RABEP1: variants seen among roughly 807,000 people sequenced by gnomAD.
RABEP1 encodes rab GTPase-binding effector protein 1.
A neutral mutation model predicts 123.4 loss-of-function variants in RABEP1; 51 were observed. The ratio of observed to expected loss-of-function variants is 0.41; its 90% confidence interval spans 0.33 to 0.52. The LOEUF is 0.52. Ranked by LOEUF, RABEP1 falls within the 20% of genes least tolerant of loss-of-function variation. The pLI, the probability that RABEP1 is intolerant of heterozygous loss-of-function variation, is 0.16. For missense variants in RABEP1, 888 were observed against 996.3 expected, an observed-to-expected ratio of 0.89 and a Z score of 1.46; for synonymous variants, 347 against 355.2, an observed-to-expected ratio of 0.98 and a Z score of 0.26.
chr17:5,357,729 C>T (rs971536564), intron 8 of RABEP1, among the ~76,000 whole-genome samples: 3 of 152,002 alleles, frequency 2.0e-5, no homozygotes, highest in Non-Finnish European at 2.9e-5. Context: ...GTTCAATGCC[C>T]CTGAAAAAAG....
chr17:5,293,087 C>T (rs62073759), intron 1 of RABEP1, among the ~76,000 whole-genome samples: 81,476 of 151,806 alleles, frequency 0.54, 22,895 homozygotes, highest in East Asian at 0.96. Context: ...GTCAGGAGTT[C>T]GAGACCAGCC....
chr17:5,367,599 G>A (rs923841742), intron 11 of RABEP1, among the ~76,000 whole-genome samples: 1 of 150,906 alleles, frequency 6.6e-6, no homozygotes, highest in Non-Finnish European at 1.5e-5. Context: ...AAAAAAGTAT[G>A]GATAGCCAAT....
chr17:5,359,143 G>A (rs991266872), intron 8 of RABEP1, among the ~76,000 whole-genome samples: 4 of 149,206 alleles, frequency 2.7e-5, no homozygotes, highest in South Asian at 4.2e-4. Context: ...GTGTGATCTC[G>A]GCTCACTGCA....
intron 2 of RABEP1, among the ~76,000 whole-genome samples, chr17:5,311,183 A>T (rs954165769): frequency 1.3e-5 from 2 of 151,952 alleles, no homozygotes; most frequent in African/African-American, 4.8e-5. Flanking sequence ...AGAGACGCTG[A>T]CTCACTAGGG....
At chr17:5,355,732 C>A (rs1217926406) in intron 8 of RABEP1, among the ~76,000 whole-genome samples, 3 of 152,042 alleles carry the variant, frequency 2.0e-5, no homozygotes, top group Admixed American at 2.0e-4. Flanking sequence ...TATATATATG[C>A]CCATGCTTAC....
intron 2 of RABEP1, among the ~76,000 whole-genome samples, chr17:5,314,990 T>C (rs1186913478): frequency 6.6e-6 from 1 of 152,208 alleles, no homozygotes; most frequent in Non-Finnish European, 1.5e-5. Context: ...AAAGGCCATA[T>C]AGTTTTCAAT....
In RABEP1 at chr17:5,319,951, G is replaced by T. The variant is rs77663841; in HGVS notation, c.163+11129G>T. On this transcript the variant is annotated intron_variant, in intron 2 of 17. Transcript: ENST00000537505. ...AAGAGGGAGTTGAGCAAGAGCAAGG[G>T]TAGAAAGCTTATTCAAAGAAATAGC... Among the ~76,000 whole-genome samples the T allele has an allele frequency of 1.4e-4, 22 of 152,262 alleles. No individual in the cohort carries two copies. In the East Asian group the frequency reaches 2.7e-3, roughly 19 times the overall value.
intron 10 of RABEP1, among the ~76,000 whole-genome samples, chr17:5,364,707 T>C (rs1237386895): frequency 8.2e-6 from 1 of 121,648 alleles, no homozygotes; most frequent in Non-Finnish European, 1.7e-5. Flanking sequence ...GAGACTCTTG[T>C]CTCAAAAAAA....
chr17:5,324,763 A>T (rs1254085978), intron 2 of RABEP1, among the ~76,000 whole-genome samples: 4 of 152,210 alleles, frequency 2.6e-5, no homozygotes, highest in African/African-American at 9.6e-5. Context: ...ATTTTTCAAA[A>T]GACGTAAATG....
intron 3 of RABEP1, among the ~76,000 whole-genome samples, chr17:5,334,512 A>G (rs11650935): frequency 0.63 from 95,992 of 151,914 alleles, 32,533 homozygotes; most frequent in East Asian, 0.97. Context: ...GATTACAGGC[A>G]TGAGCCACCA....
Position 5,379,559 on chromosome 17 carries a change from C to T in RABEP1, c.2272-805C>T, listed in dbSNP as rs376764020. 1.4e-4 allele frequency among the ~76,000 whole-genome samples: 22 copies of T among 152,324 alleles called. No homozygotes were observed. In the East Asian group the frequency reaches 4.2e-3, roughly 29 times the overall value. ...CAGGCATCCCTCCACCTGCTGCAGT[C>T]TGCCTCCTGCCTCCACTTTGCTACT... On this transcript the variant is annotated intron_variant, in intron 15 of 17. Transcript: ENST00000537505.
At chr17:5,337,330 C>G (rs952509266) in intron 4 of RABEP1, among the ~76,000 whole-genome samples, 2 of 152,102 alleles carry the variant, frequency 1.3e-5, no homozygotes, top group African/African-American at 4.8e-5. Context: ...ATGTAATCAG[C>G]CCTTTCATTA....
At chr17:5,381,936 CTG>C (rs1281471349) in intron 17 of RABEP1, among the ~76,000 whole-genome samples, 1 of 152,190 alleles carries the variant, frequency 6.6e-6, no homozygotes, top group Non-Finnish European at 1.5e-5. Flanking sequence ...TCTGTCCCCT[CTG>C]TGGAGCTCTT....
chr17:5,326,624 G>A (rs150636552), intron 2 of RABEP1, among the ~76,000 whole-genome samples: 2 of 152,242 alleles, frequency 1.3e-5, no homozygotes, highest in East Asian at 1.9e-4. Flanking sequence ...GTGAACCCTA[G>A]TGTAAACGAA....
chr17:5,344,219 C>T (rs1907868007), intron 5 of RABEP1, among the ~76,000 whole-genome samples: 1 of 152,078 alleles, frequency 6.6e-6, no homozygotes, highest in Non-Finnish European at 1.5e-5. Context: ...ATTTAGATTG[C>T]TTGAGACCAG....
At chr17:5,306,340 A>ATGG (rs1408465955) in intron 1 of RABEP1, among the ~76,000 whole-genome samples, 2 of 152,172 alleles carry the variant, frequency 1.3e-5, no homozygotes, top group African/African-American at 4.8e-5. Flanking sequence ...ATAAAGATAC[A>ATGG]TGGTAGGCCG....
rs758490397 is a variant in RABEP1, at chr17:5,361,290, C to T, written c.1178C>T (p.Ser393Leu). The change falls in exon 9 of 18, where the codon TCG becomes TTG. Residue 393 changes from serine to leucine, a missense_variant. By Grantham distance (145) the Ser-to-Leu change is moderately radical. Coordinates refer to ENST00000537505, the MANE Select transcript of RABEP1 (RefSeq NM_004703.6). ...LLPSGDPFSK[S>L]DNDMFKDGLR... Reference sequence around the variant, plus strand: ...CCATCTGGAGATCCTTTCAGTAAATCGGACAATGACATGTTTAAAGATGGA... The same window carrying T: ...CCATCTGGAGATCCTTTCAGTAAATTGGACAATGACATGTTTAAAGATGGA... The T allele has an allele frequency of 2.4e-5, 38 of 1,613,996 alleles. 1 individual carries two copies. The highest frequency in any genetic ancestry group is 1.6e-4 in the Middle Eastern group (1 of 6,084).
At chr17:5,306,343 G>A (rs1478870397) in intron 1 of RABEP1, among the ~76,000 whole-genome samples, 1 of 152,070 alleles carries the variant, frequency 6.6e-6, no homozygotes, top group African/African-American at 2.4e-5. Flanking sequence ...AAGATACATG[G>A]TAGGCCGGGC....
intron 1 of RABEP1, among the ~76,000 whole-genome samples, chr17:5,302,786 C>G (rs1178523058): frequency 2.6e-5 from 4 of 151,924 alleles, no homozygotes; most frequent in Non-Finnish European, 5.9e-5. Context: ...CCTTGGCCTC[C>G]CAAAGTAATG....
Sources: allele counts gnomAD v4.1 joint callset (sites outside exome capture counted in the v4.1 genomes callset), GRCh38; gene constraint gnomAD v4.1.1; transcripts MANE v1.5; gene names NCBI Gene and HGNC (gene_info 2026-07-23, HGNC 2026-07-21).